BCAS4: variants seen among roughly 807,000 people sequenced by gnomAD.
BCAS4 encodes the protein breast carcinoma-amplified sequence 4.
BCAS4 carries 9 observed loss-of-function variants against 15.7 expected under a neutral mutation model. The ratio of observed to expected loss-of-function variants is 0.57; its 90% confidence interval spans 0.34 to 1.00. The LOEUF (loss-of-function observed/expected upper bound fraction) is 1.00. Ranked by LOEUF, BCAS4 falls within the 50% of genes least tolerant of loss-of-function variation. The pLI, the probability that BCAS4 is intolerant of heterozygous loss-of-function variation, is 0.02. For missense variants in BCAS4, 225 were observed against 239.1 expected, an observed-to-expected ratio of 0.94 and a Z score of 0.39; for synonymous variants, 101 against 99.5, an observed-to-expected ratio of 1.02 and a Z score of -0.09.
chr20:50,858,707 CT>C (rs61324054), intron 4 of BCAS4, among the ~76,000 whole-genome samples: 55,249 of 136,230 alleles, frequency 0.41, 12,780 homozygotes, highest in African/African-American at 0.66. Context: ...TACAACCATC[CT>C]TTTTTTTTTT....
Position 50,851,317 on chromosome 20 carries a change from G to A in BCAS4, c.399+9417G>A, listed in dbSNP as rs1248205877. The stretch of plus-strand genomic sequence containing the variant: ...CAAATATGAGGACCACGACTGTGGA[G>A]GGCCGAGGGGTGCCGGGTCCCAGCC... On this transcript the variant is annotated intron_variant, in intron 4 of 4. Coordinates refer to ENST00000371608, the MANE Select transcript of BCAS4 (RefSeq NM_198799.4). This position sits in a 1 kb window ranked among gnomAD's most constrained non-coding sequence, Gnocchi z 4.3. Among the ~76,000 whole-genome samples the A allele has an allele frequency of 6.6e-6, 1 of 152,154 alleles. No homozygotes were observed. Among genetic ancestry groups the A allele is most frequent in the East Asian group, 1.9e-4 (1 of 5,188 alleles).
intron 2 of BCAS4, among the ~76,000 whole-genome samples, chr20:50,820,073 C>A (rs1408975425): frequency 6.6e-6 from 1 of 152,164 alleles, no homozygotes; most frequent in East Asian, 1.9e-4. Context: ...GAACTGCTGG[C>A]CTTAAGTGAT....
At chr20:50,819,787 T>TCC (rs752569826) in intron 2 of BCAS4, among the ~76,000 whole-genome samples, 1 of 151,844 alleles carries the variant, frequency 6.6e-6, no homozygotes, top group East Asian at 1.9e-4. Context: ...TTTCTGTCTT[T>TCC]GTCTTTCTGT....
At chr20:50,807,752 A>T (rs1428542733) in intron 1 of BCAS4, among the ~76,000 whole-genome samples, 76 of 152,160 alleles carry the variant, frequency 5.0e-4, no homozygotes, top group Non-Finnish European at 9.6e-4. Flanking sequence ...ACGAGTGAGA[A>T]CATACGATGT....
intron 4 of BCAS4, among the ~76,000 whole-genome samples, chr20:50,854,457 G>A (rs1225158534): frequency 3.3e-5 from 5 of 152,158 alleles, no homozygotes; most frequent in African/African-American, 1.2e-4. Context: ...GCTCTGCGCT[G>A]ACCTCATTAC....
At chr20:50,867,476 A>G (rs1979416805) in intron 4 of BCAS4, among the ~76,000 whole-genome samples, 1 of 151,922 alleles carries the variant, frequency 6.6e-6, no homozygotes, top group Admixed American at 6.6e-5. Flanking sequence ...CCTCTCAAGT[A>G]CCTAGGACTA....
At chr20:50,804,317 G>A (rs2087964359) in intron 1 of BCAS4, among the ~76,000 whole-genome samples, 1 of 152,178 alleles carries the variant, frequency 6.6e-6, no homozygotes, top group Non-Finnish European at 1.5e-5. Flanking sequence ...GGGATTATAG[G>A]TATGAGCCAC....
intron 4 of BCAS4, among the ~76,000 whole-genome samples, chr20:50,852,681 C>G (rs1320744031): frequency 6.6e-6 from 1 of 152,302 alleles, no homozygotes; most frequent in East Asian, 1.9e-4. Context: ...TGCACCCGGC[C>G]GAGGCCTTGC....
At chr20:50,879,347 T>C (rs978320497), downstream of BCAS4, 1 of 152,068 alleles carries the variant, frequency 6.6e-6, no homozygotes, top group African/African-American at 2.4e-5. Flanking sequence ...TGAAACCTCA[T>C]CTCTACTAAA....
chr20:50,869,779 C>T (rs1044854856), intron 4 of BCAS4, among the ~76,000 whole-genome samples: 31 of 137,960 alleles, frequency 2.2e-4, no homozygotes, highest in Non-Finnish European at 3.2e-4. Flanking sequence ...GATGGAGCCT[C>T]GCTCTGTTGC....
intron 3 of BCAS4, among the ~76,000 whole-genome samples, chr20:50,837,147 G>A (rs749112222): frequency 1.3e-5 from 2 of 152,186 alleles, no homozygotes; most frequent in Non-Finnish European, 2.9e-5. Context: ...AAGCCGCCGA[G>A]GCACAGAGAT....
chr20:50,841,190 T>C (rs1270655358), intron 3 of BCAS4, among the ~76,000 whole-genome samples: 1 of 152,198 alleles, frequency 6.6e-6, no homozygotes, highest in African/African-American at 2.4e-5. Context: ...CCTGTGGGCC[T>C]GGACTCAGCT....
intron 4 of BCAS4, chr20:50,846,579 A>G (rs1037007394): frequency 1.4e-5 from 2 of 147,644 alleles, no homozygotes; most frequent in Non-Finnish European, 1.5e-5. Context: ...AAGAGGGTGC[A>G]TGATCTGGTC....
intron 4 of BCAS4, among the ~76,000 whole-genome samples, chr20:50,854,976 C>T (rs1978675635): frequency 6.6e-6 from 1 of 152,232 alleles, no homozygotes; most frequent in Admixed American, 6.5e-5. Flanking sequence ...ACTGCTCATG[C>T]CAGGAGCACG....
At chr20:50,873,649 T>C (rs1979768304) in intron 4 of BCAS4, among the ~76,000 whole-genome samples, 1 of 152,204 alleles carries the variant, frequency 6.6e-6, no homozygotes, top group Non-Finnish European at 1.5e-5. Flanking sequence ...CTGTTTGTGT[T>C]CTGATTGCAG....
chr20:50,871,706 G>C (rs1979654162), intron 4 of BCAS4, among the ~76,000 whole-genome samples: 1 of 152,216 alleles, frequency 6.6e-6, no homozygotes, highest in Admixed American at 6.5e-5. Context: ...TTCTGTGCGG[G>C]GTTCATTCTC....
At chr20:50,847,373 C>T (rs983286940) in intron 4 of BCAS4, among the ~76,000 whole-genome samples, 9 of 152,254 alleles carry the variant, frequency 5.9e-5, no homozygotes, top group South Asian at 2.1e-4. Flanking sequence ...AGGTGTGAGC[C>T]GCTGCACCCG....
At chr20:50,797,513 A>G (rs1391576029) in intron 1 of BCAS4, among the ~76,000 whole-genome samples, 1 of 152,166 alleles carries the variant, frequency 6.6e-6, no homozygotes, top group African/African-American at 2.4e-5. Flanking sequence ...TGGGCAACGC[A>G]GGGAAACCCC....
At chr20:50,840,492 C>T (rs774645507) in intron 3 of BCAS4, 4 of 1,129,590 alleles carry the variant, frequency 3.5e-6, no homozygotes, top group Admixed American at 3.4e-5. Context: ...GTGAAAGGGG[C>T]AGCACAGTCA....
Sources: allele counts gnomAD v4.1 joint callset (sites outside exome capture counted in the v4.1 genomes callset), GRCh38; gene constraint gnomAD v4.1.1; non-coding constraint Gnocchi (gnomAD v3.1); transcripts MANE v1.5; gene names NCBI Gene and HGNC (gene_info 2026-07-23, HGNC 2026-07-21).